Variants in CNTNAP2 observed in about 807,000 individuals in gnomAD.
The protein encoded by CNTNAP2 is contactin-associated protein-like 2.
CNTNAP2 carries 98 observed loss-of-function variants against 155.2 expected under a neutral mutation model. The ratio of observed to expected loss-of-function variants is 0.63; its 90% CI spans 0.54 to 0.75. The LOEUF is 0.75. CNTNAP2 is among the 30% of genes least tolerant of loss of function. The pLI is 0.00. For missense variants in CNTNAP2, 1,727 were observed against 1,688.1 expected (o/e 1.02, Z -0.40); for synonymous variants, 651 against 631.2 (o/e 1.03, Z -0.47).
chr7:146,894,147 T>C (rs1267272205), intron 3 of CNTNAP2, among the ~76,000 whole-genome samples: 1 of 152,138 alleles, frequency 6.6e-6, no homozygotes, highest in Non-Finnish European at 1.5e-5. Flanking sequence ...CAAGCAACTT[T>C]TGGACAATTT....
At chr7:146,795,789 T>G (rs1802758168) in intron 2 of CNTNAP2, among the ~76,000 whole-genome samples, 1 of 152,098 alleles carries the variant, frequency 6.6e-6, no homozygotes, top group African/African-American at 2.4e-5. Context: ...ATTTCAATGA[T>G]AGGAAGACAT....
intron 1 of CNTNAP2, among the ~76,000 whole-genome samples, chr7:146,212,240 A>C (rs1264424113): frequency 6.6e-6 from 1 of 152,168 alleles, no homozygotes; most frequent in Non-Finnish European, 1.5e-5. Flanking sequence ...TTTGGCCTGA[A>C]GTACATTATT....
intron 1 of CNTNAP2, among the ~76,000 whole-genome samples, chr7:146,612,609 G>A (rs1253152485): frequency 1.3e-5 from 2 of 151,884 alleles, no homozygotes; most frequent in African/African-American, 4.8e-5. Flanking sequence ...ACGTTGATTA[G>A]AAGTTTTTCT....
intron 4 of CNTNAP2, among the ~76,000 whole-genome samples, chr7:147,083,786 T>A (rs934741904): frequency 9.5e-6 from 1 of 105,158 alleles, no homozygotes; most frequent in African/African-American, 2.8e-5. Flanking sequence ...ATGTATATAT[T>A]ATATATACAT....
chr7:147,341,769 TACACACACAC>T (rs35486619), intron 9 of CNTNAP2, among the ~76,000 whole-genome samples: 71 of 147,332 alleles, frequency 4.8e-4, no homozygotes, highest in African/African-American at 1.1e-3. Flanking sequence ...CACATACACA[TACACACACAC>T]ACACACACAC....
At chr7:146,896,278 C>T (rs1795874923) in intron 3 of CNTNAP2, among the ~76,000 whole-genome samples, 1 of 152,048 alleles carries the variant, frequency 6.6e-6, no homozygotes, top group Non-Finnish European at 1.5e-5. Flanking sequence ...AACTTGCATA[C>T]ACCCTTTTAG....
intron 1 of CNTNAP2, among the ~76,000 whole-genome samples, chr7:146,677,877 G>A (rs1043384052): frequency 4.4e-4 from 67 of 152,004 alleles, no homozygotes; most frequent in African/African-American, 1.5e-3. Flanking sequence ...AGACGTGGGT[G>A]CAGGGGTTGG....
intron 1 of CNTNAP2, among the ~76,000 whole-genome samples, chr7:146,412,840 G>T (rs187513182): frequency 1.3e-5 from 2 of 152,230 alleles, no homozygotes; most frequent in East Asian, 3.9e-4. Flanking sequence ...TAATATGAAG[G>T]GTTTCAGTTT....
At chr7:147,797,214 T>TA (rs895790289) in intron 13 of CNTNAP2, among the ~76,000 whole-genome samples, 25 of 152,090 alleles carry the variant, frequency 1.6e-4, no homozygotes, top group Admixed American at 3.3e-4. Flanking sequence ...GTTACCTTTG[T>TA]AAAAAAAACT....
intron 10 of CNTNAP2, among the ~76,000 whole-genome samples, chr7:147,454,397 T>G: frequency 6.6e-6 from 1 of 152,316 alleles, no homozygotes; most frequent in Middle Eastern, 3.4e-3. Flanking sequence ...CTTTGCTCTT[T>G]TCTACTGTAT....
chr7:146,756,369 G>A (rs1585075659), intron 1 of CNTNAP2, among the ~76,000 whole-genome samples: 2 of 151,912 alleles, frequency 1.3e-5, no homozygotes, highest in Non-Finnish European at 2.9e-5. Context: ...TTAGCATAGT[G>A]GTATGCTTGA....
At chr7:146,313,855 C>T (rs1800866003) in intron 1 of CNTNAP2, among the ~76,000 whole-genome samples, 1 of 151,978 alleles carries the variant, frequency 6.6e-6, no homozygotes, top group Non-Finnish European at 1.5e-5. Flanking sequence ...AAAAATTAGC[C>T]AGGTGTGGTA....
At chr7:147,503,828 T>A (rs753327220) in intron 11 of CNTNAP2, among the ~76,000 whole-genome samples, 5 of 152,204 alleles carry the variant, frequency 3.3e-5, no homozygotes, top group Non-Finnish European at 5.9e-5. Context: ...TTAACTATTC[T>A]GTCTCTCTTT....
intron 8 of CNTNAP2, among the ~76,000 whole-genome samples, chr7:147,199,157 T>G (rs567021404): frequency 6.6e-6 from 1 of 152,058 alleles, no homozygotes; most frequent in Non-Finnish European, 1.5e-5. Flanking sequence ...AGATGGAGTT[T>G]CACTGCATTG....
intron 1 of CNTNAP2, among the ~76,000 whole-genome samples, chr7:146,708,196 T>C (rs1800999485): frequency 6.6e-6 from 1 of 152,182 alleles, no homozygotes; most frequent in African/African-American, 2.4e-5. Flanking sequence ...TTTTGACAAC[T>C]GTGCTTCTGC....
At chr7:148,262,810 T>A (rs1473353252) in intron 20 of CNTNAP2, among the ~76,000 whole-genome samples, 4 of 152,262 alleles carry the variant, frequency 2.6e-5, no homozygotes, top group Non-Finnish European at 1.5e-5. Context: ...ATCTCCATAT[T>A]CAGACAAAAT....
intron 4 of CNTNAP2, among the ~76,000 whole-genome samples, chr7:147,058,958 G>A (rs1799612834): frequency 1.3e-5 from 2 of 152,100 alleles, no homozygotes; most frequent in African/African-American, 4.8e-5. Context: ...CTGATTGTGT[G>A]TTTTTTTGCA....
chr7:147,580,962 G>A (rs1243480355), intron 12 of CNTNAP2, among the ~76,000 whole-genome samples: 3 of 152,108 alleles, frequency 2.0e-5, no homozygotes, highest in Non-Finnish European at 4.4e-5. Context: ...CTGACATTTT[G>A]AGCATTTAAA....
chr7:146,229,115 A>G (rs802542), intron 1 of CNTNAP2, among the ~76,000 whole-genome samples: 110,972 of 151,984 alleles, frequency 0.73, 40,790 homozygotes, highest in East Asian at 0.94. Context: ...AACAAAAAAG[A>G]GTAGCAAATT....
Sources: gnomAD v4.1 joint callset for allele counts (sites outside exome capture counted in the v4.1 genomes callset) on GRCh38, gnomAD v4.1.1 for gene constraint, MANE v1.5 for transcripts, NCBI Gene and HGNC (gene_info 2026-07-23, HGNC 2026-07-21) for gene names.